Variants in RFX3 observed in about 807,000 individuals in gnomAD.
The protein encoded by RFX3 is regulatory factor X3.
Under a neutral mutation model 98.6 loss-of-function variants are expected in RFX3, and 14 were observed. The ratio of observed to expected loss-of-function variants is 0.14; its 90% confidence interval spans 0.09 to 0.22. The LOEUF (loss-of-function observed/expected upper bound fraction) is 0.22. Ranked by LOEUF, RFX3 falls within the 10% of genes least tolerant of loss-of-function variation. RFX3 has a pLI of 1.00. For missense variants in RFX3, 639 were observed against 926.9 expected (o/e 0.69, Z 4.03); for synonymous variants, 383 against 328.4 (o/e 1.17, Z -1.80).
Position 3,293,271 on chromosome 9 carries a change from G to A in RFX3, c.550-13C>T. The A allele has an allele frequency of 6.3e-7, 1 of 1,581,858 alleles. No individual in the cohort carries two copies. The highest frequency in any genetic ancestry group is 8.6e-7 in the Non-Finnish European group (1 of 1,167,024). ...ACAGCCACTGGAGCTAGGGAAATAA[G>A]ACACAATAAACACAGACAAATCACA... is the stretch of plus-strand genomic sequence containing the variant. On this transcript the variant is annotated splice_polypyrimidine_tract_variant and intron_variant, in intron 5 of 16. Coordinates refer to ENST00000617270, the MANE Select transcript of RFX3 (RefSeq NM_001282116.2).
At chr9:3,291,707 GA>G (rs1398667927) in intron 6 of RFX3, among the ~76,000 whole-genome samples, 1 of 152,022 alleles carries the variant, frequency 6.6e-6, no homozygotes, top group Non-Finnish European at 1.5e-5. Context: ...GTGAGAAAAA[GA>G]TCAATCTTTT....
chr9:3,520,187 A>G (rs1208194038), intron 1 of RFX3, among the ~76,000 whole-genome samples: 2 of 152,210 alleles, frequency 1.3e-5, no homozygotes, highest in Admixed American at 6.5e-5. Flanking sequence ...TGCCTAACCT[A>G]TTTTAGCAAG....
chr9:3,330,270 A>T lies in RFX3; in HGVS notation c.463T>A (p.Ser155Thr). The change falls in exon 4 of 17, where the codon TCC becomes ACC. Residue 155 changes from serine (S) to threonine (T), a missense_variant. Physicochemically the swap from Ser to Thr is moderately conservative, Grantham distance 58. Coordinates refer to ENST00000617270, the MANE Select transcript of RFX3 (RefSeq NM_001282116.2). ...ATTCAAATACTTACTGTCGCTGGGG[A>T]GGCCCGAGTTGTGTGTGTCACTGAG... ...GHSVTHTTRASPATIEMAIET... is the reference protein window; with the variant it reads ...GHSVTHTTRATPATIEMAIET... 2 of 1,614,054 alleles carry T rather than the reference A, an allele frequency of 1.2e-6. No homozygotes were observed. The highest frequency in any genetic ancestry group is 1.7e-6 in the Non-Finnish European group (2 of 1,179,962).
At chr9:3,266,112 C>T in intron 12 of RFX3, 96 bp downstream of exon 12, 1 of 644,400 alleles carries the variant, frequency 1.6e-6, no homozygotes, top group Non-Finnish European at 2.6e-6. Flanking sequence ...ATAACCTCAA[C>T]ATTTTACATA....
intron 16 of RFX3, among the ~76,000 whole-genome samples, chr9:3,227,524 C>T (rs7868321): frequency 0.079 from 12,024 of 152,140 alleles, 490 homozygotes; most frequent in Middle Eastern, 0.12. Flanking sequence ...TAAAATTAGG[C>T]GCTACAGGAG....
intron 1 of RFX3, among the ~76,000 whole-genome samples, chr9:3,437,909 T>G (rs1845291736): frequency 6.6e-6 from 1 of 152,024 alleles, no homozygotes; most frequent in Admixed American, 6.6e-5. Context: ...CTACCAGGCC[T>G]TCTATATGGG....
intron 2 of RFX3, among the ~76,000 whole-genome samples, chr9:3,352,334 C>G (rs900883257): frequency 6.6e-6 from 1 of 151,602 alleles, no homozygotes; most frequent in Non-Finnish European, 1.5e-5. Flanking sequence ...GGATATACAC[C>G]AAACTTCTAA....
intron 2 of RFX3, among the ~76,000 whole-genome samples, chr9:3,358,732 AG>A (rs922770225): frequency 2.2e-4 from 34 of 152,164 alleles, no homozygotes; most frequent in African/African-American, 8.0e-4. Flanking sequence ...TAATTTATAA[AG>A]GAAAGAGGTT....
chr9:3,391,432 C>T lies in RFX3; in HGVS notation c.117+4040G>A, dbSNP rs569991829. ...AGGCAAATATCACAACAAAAAACTG[C>T]GTGAAATAAAACACTTTGTTGACAA... On this transcript the variant is annotated intron_variant, in intron 2 of 16. Transcript: ENST00000617270. Among the ~76,000 whole-genome samples the T allele has an allele frequency of 7.2e-5, 11 of 152,160 alleles. No homozygotes were observed. In the South Asian group the frequency reaches 1.0e-3, roughly 14 times the overall value.
chr9:3,316,973 C>G (rs1165770530), intron 4 of RFX3, among the ~76,000 whole-genome samples: 1 of 152,130 alleles, frequency 6.6e-6, no homozygotes, highest in Non-Finnish European at 1.5e-5. Flanking sequence ...AATGCCATCC[C>G]CATCAAACTA....
chr9:3,330,597 G>T, intron 3 of RFX3, 80 bp from the exon 4 acceptor site: 1 of 1,323,180 alleles, frequency 7.6e-7, no homozygotes, highest in Non-Finnish European at 1.0e-6. Context: ...GAATGTAATT[G>T]AAATATATTG....
intron 2 of RFX3, among the ~76,000 whole-genome samples, chr9:3,347,949 A>G (rs1220831523): frequency 6.6e-6 from 1 of 152,198 alleles, no homozygotes; most frequent in African/African-American, 2.4e-5. Flanking sequence ...AACATTAACT[A>G]TTCCTTAACA....
chr9:3,339,829 A>G (rs1833655436), intron 3 of RFX3, among the ~76,000 whole-genome samples: 1 of 152,168 alleles, frequency 6.6e-6, no homozygotes, highest in African/African-American at 2.4e-5. Flanking sequence ...CATACTGCCC[A>G]AGGTAATTTA....
chr9:3,282,049 A>G lies in RFX3; in HGVS notation c.852-4588T>C, dbSNP rs536756369. On this transcript the variant is annotated intron_variant, in intron 7 of 16. Transcript: ENST00000617270. ...GTTTTGTAATTCCAGAAATTACACAATCATTTTATTTGCATGAATAAATTG... is the reference window on the plus strand; with the variant it reads ...GTTTTGTAATTCCAGAAATTACACAGTCATTTTATTTGCATGAATAAATTG... Among the ~76,000 whole-genome samples the G allele has an allele frequency of 9.8e-4, 149 of 151,954 alleles. No individual in the cohort carries two copies. In the Middle Eastern group the frequency reaches 0.01, roughly 10 times the overall value.
At chr9:3,435,875 C>T (rs1227753037) in intron 1 of RFX3, among the ~76,000 whole-genome samples, 1 of 146,262 alleles carries the variant, frequency 6.8e-6, no homozygotes, top group African/African-American at 2.5e-5. Context: ...CAAATTTGTA[C>T]TTCATGATGC....
In RFX3 at chr9:3,263,624, A is replaced by C. The variant is rs147287678; in HGVS notation, c.1456-540T>G. Among the ~76,000 whole-genome samples the C allele has an allele frequency of 4.7e-3, 712 of 152,324 alleles. 4 individuals are homozygous for C. The highest frequency in any genetic ancestry group is 0.016 in the African/African-American group (645 of 41,568). ...TATAGAAACGAGTAATTTTGAGGCG[A>C]GATTATCAGAGGCAACCAACTAGAA... On this transcript the variant is annotated intron_variant, in intron 12 of 16. Transcript: ENST00000617270.
chr9:3,286,991 T>C (rs1173457457), intron 7 of RFX3, among the ~76,000 whole-genome samples: 1 of 151,962 alleles, frequency 6.6e-6, no homozygotes, highest in African/African-American at 2.4e-5. Context: ...TGTATTGTGA[T>C]AGTTCCTTGA....
chr9:3,310,494 T>C (rs1047675188), intron 4 of RFX3, among the ~76,000 whole-genome samples: 9 of 152,222 alleles, frequency 5.9e-5, no homozygotes, highest in African/African-American at 1.9e-4. Context: ...TATTCAACTA[T>C]CACTGTAATT....
chr9:3,510,948 T>C (rs974147431), intron 1 of RFX3, among the ~76,000 whole-genome samples: 3 of 151,990 alleles, frequency 2.0e-5, no homozygotes. Context: ...AAAGAAACAG[T>C]TTAGTTCTAA....
Sources: allele counts gnomAD v4.1 joint callset (sites outside exome capture counted in the v4.1 genomes callset), GRCh38; gene constraint gnomAD v4.1.1; transcripts MANE v1.5; gene names NCBI Gene and HGNC (gene_info 2026-07-23, HGNC 2026-07-21).